ATAD1: variants seen among roughly 807,000 people sequenced by gnomAD.
ATAD1 encodes outer mitochondrial transmembrane helix translocase.
In ATAD1, 18 loss-of-function variants were observed where a neutral mutation model predicts 42.7. The ratio of observed to expected loss-of-function variants is 0.42; its 90% confidence interval spans 0.29 to 0.63. ATAD1 has a LOEUF of 0.63. Among genes scored for constraint, ATAD1 ranks in the 20% least tolerant of loss-of-function variants. The pLI is 0.19. For missense variants in ATAD1, 294 were observed against 440.4 expected (o/e 0.67, Z 2.98); for synonymous variants, 132 against 143.1 (o/e 0.92, Z 0.55).
chr10:87,798,450 G>A (rs996222848), intron 2 of ATAD1, among the ~76,000 whole-genome samples: 1 of 151,982 alleles, frequency 6.6e-6, no homozygotes, highest in Non-Finnish European at 1.5e-5. Flanking sequence ...AAACTACAGA[G>A]TTGCTACGTT....
At chr10:87,786,892 T>C (rs927638897) in intron 4 of ATAD1, among the ~76,000 whole-genome samples, 4 of 151,660 alleles carry the variant, frequency 2.6e-5, no homozygotes, top group Admixed American at 6.6e-5. Context: ...GAGGCAGAGG[T>C]TGCAGTGAGC....
chr10:87,830,508 T>C (rs1268119216), intron 1 of ATAD1, among the ~76,000 whole-genome samples: 2 of 152,144 alleles, frequency 1.3e-5, no homozygotes, highest in South Asian at 2.1e-4. Context: ...CATGTTTTTT[T>C]CCCCCCTGTC....
intron 8 of ATAD1, among the ~76,000 whole-genome samples, chr10:87,763,197 A>C (rs769216428): frequency 6.6e-6 from 1 of 151,812 alleles, no homozygotes; most frequent in Admixed American, 6.6e-5. Context: ...GAAACTGTAC[A>C]TATTTCATGT....
intron 4 of ATAD1, among the ~76,000 whole-genome samples, chr10:87,789,533 C>A (rs2131915661): frequency 6.6e-6 from 1 of 152,176 alleles, no homozygotes; most frequent in East Asian, 1.9e-4. Context: ...CCAGCCTGAG[C>A]AACATGGTGA....
At chr10:87,828,381 C>A (rs780821558) in intron 1 of ATAD1, among the ~76,000 whole-genome samples, 2 of 152,226 alleles carry the variant, frequency 1.3e-5, no homozygotes, top group Admixed American at 1.3e-4. Flanking sequence ...GGTAGAAGAT[C>A]TAACCAACCA....
At chr10:87,783,986 C>T (rs2131882761) in intron 5 of ATAD1, among the ~76,000 whole-genome samples, 1 of 150,402 alleles carries the variant, frequency 6.6e-6, no homozygotes, top group Admixed American at 6.6e-5. Flanking sequence ...TAAACATCAA[C>T]AAAAGAAAAC....
At chr10:87,800,566 T>C (rs11498630) in intron 2 of ATAD1, among the ~76,000 whole-genome samples, 48,899 of 151,902 alleles carry the variant, frequency 0.32, 8,274 homozygotes, top group African/African-American at 0.39. Context: ...AATTCTATGC[T>C]ATTATGATTC....
rs564812492 is a variant in ATAD1, at chr10:87,833,183, T to C, written c.-14+8004A>G. On this transcript the variant is annotated intron_variant, in intron 1 of 4. Transcript: ENST00000495903. ...AATGTTTTGTAGTTTTCAGCATACATATTCTATTCATGTTTTGTTAAATTC... is the reference window on the plus strand; with the variant it reads ...AATGTTTTGTAGTTTTCAGCATACACATTCTATTCATGTTTTGTTAAATTC... 5.9e-5 allele frequency: 9 copies of C among 152,352 alleles called. No homozygotes were observed. In the East Asian group the frequency reaches 1.3e-3, roughly 23 times the overall value. 9.4% of individuals were successfully genotyped at this position (152,352 alleles called of 1,614,324 possible).
intron 6 of ATAD1, among the ~76,000 whole-genome samples, chr10:87,771,699 G>A (rs763926260): frequency 6.6e-6 from 1 of 151,440 alleles, no homozygotes; most frequent in Non-Finnish European, 1.5e-5. Flanking sequence ...TAAAAATGCT[G>A]GCAGCCCTGC....
chr10:87,799,310 T>C (rs1001866985), intron 2 of ATAD1, among the ~76,000 whole-genome samples: 1 of 152,250 alleles, frequency 6.6e-6, no homozygotes, highest in African/African-American at 2.4e-5. Context: ...TTTGCTTGCG[T>C]AATTGTTAAT....
At chr10:87,807,827 A>G (rs749509487) in intron 2 of ATAD1, among the ~76,000 whole-genome samples, 1 of 152,200 alleles carries the variant, frequency 6.6e-6, no homozygotes, top group Non-Finnish European at 1.5e-5. Flanking sequence ...CAAAGTAGTT[A>G]AATAAAACTT....
At chr10:87,815,738 G>A (rs1857387894) in intron 1 of ATAD1, among the ~76,000 whole-genome samples, 1 of 151,806 alleles carries the variant, frequency 6.6e-6, no homozygotes. Flanking sequence ...TCCACTCAAG[G>A]ATATATACTC....
intron 2 of ATAD1, among the ~76,000 whole-genome samples, chr10:87,803,637 A>C (rs1393611445): frequency 6.6e-6 from 1 of 152,234 alleles, no homozygotes; most frequent in Non-Finnish European, 1.5e-5. Context: ...CTGACGTCTC[A>C]TGTATCCCTA....
Position 87,751,905 on chromosome 10 carries a change from CA to C in ATAD1, c.*2781del, listed in dbSNP as rs1198898161. On this transcript the variant is annotated 3_prime_UTR_variant, in exon 10 of 10. Coordinates refer to ENST00000680024, the MANE Select transcript of ATAD1 (RefSeq NM_001321967.2). ...CAGAAGAAATCTGTTAACATTTTCC[CA>C]AAATAACAATTCAAGTAAAAAATTC... 1 of 152,038 alleles carries C rather than the reference CA, an allele frequency of 6.6e-6. No individual in the cohort carries two copies. Among genetic ancestry groups the C allele is most frequent in the Non-Finnish European group, 1.5e-5 (1 of 67,996 alleles). 9.4% of individuals were successfully genotyped at this position (152,038 alleles called of 1,614,324 possible). A position where few individuals can be genotyped will look rare whatever the true frequency, so the allele number is the denominator to read the frequency against.
At chr10:87,773,368 G>T (rs921758935) in intron 6 of ATAD1, among the ~76,000 whole-genome samples, 2 of 152,062 alleles carry the variant, frequency 1.3e-5, no homozygotes, top group African/African-American at 4.8e-5. Flanking sequence ...TCATTGAGCC[G>T]TTCTCTATTT....
In ATAD1 at chr10:87,753,212, T is replaced by C. The variant is rs1220940741; in HGVS notation, c.*1475A>G. The C allele has an allele frequency of 6.6e-6, 1 of 151,598 alleles. No homozygotes were observed. The highest frequency in any genetic ancestry group is 1.5e-5 in the Non-Finnish European group (1 of 67,614). The allele number at this position is 151,598 out of a possible 1,614,324, so 9.4% of individuals were successfully genotyped here. On this transcript the variant is annotated 3_prime_UTR_variant, in exon 10 of 10. Coordinates refer to ENST00000680024, the MANE Select transcript of ATAD1 (RefSeq NM_001321967.2). Reference sequence around the variant, plus strand: ...TTCATTTTTGGTATCTTGTATTCAGTTTTTCCATCCTCTTCACAATCTTCC... The same window carrying C: ...TTCATTTTTGGTATCTTGTATTCAGCTTTTCCATCCTCTTCACAATCTTCC...
intron 6 of ATAD1, 46 bp downstream of exon 6, chr10:87,776,275 G>C (rs1157187092): frequency 6.8e-7 from 1 of 1,467,436 alleles, no homozygotes; most frequent in African/African-American, 1.4e-5. Context: ...TTTCTATTAA[G>C]AACAAAAAAA....
chr10:87,826,022 G>A (rs139877093), intron 1 of ATAD1, among the ~76,000 whole-genome samples: 355 of 152,284 alleles, frequency 2.3e-3, no homozygotes, highest in Non-Finnish European at 4.2e-3. Context: ...CTGATTTTAC[G>A]TGTTTAAGGA....
chr10:87,797,009 G>A (rs527266824), intron 2 of ATAD1, among the ~76,000 whole-genome samples: 2 of 152,294 alleles, frequency 1.3e-5, no homozygotes, highest in African/African-American at 4.8e-5. Flanking sequence ...TCCTAGCAGG[G>A]AAGATGAGTT....
Sources: gnomAD v4.1 joint callset for allele counts (sites outside exome capture counted in the v4.1 genomes callset) on GRCh38, gnomAD v4.1.1 for gene constraint, MANE v1.5 for transcripts, NCBI Gene and HGNC (gene_info 2026-07-23, HGNC 2026-07-21) for gene names.